Variants in TMEM132B observed in about 807,000 individuals in gnomAD.
The protein encoded by TMEM132B is transmembrane protein 132B.
A neutral mutation model predicts 90.8 loss-of-function variants in TMEM132B; 18 were observed. The observed-to-expected ratio is 0.20, with a 90% CI of 0.14 to 0.29. TMEM132B has a LOEUF of 0.29. Ranked by LOEUF, TMEM132B falls within the 10% of genes least tolerant of loss-of-function variation. The pLI is 1.00. For synonymous variants in TMEM132B, 504 were observed against 523.3 expected (o/e 0.96, Z 0.50); for missense variants, 1,096 against 1,326.8 (o/e 0.83, Z 2.70).
chr12:125,512,803 G>A (rs1592965336), intron 3 of TMEM132B, among the ~76,000 whole-genome samples: 2 of 152,122 alleles, frequency 1.3e-5, no homozygotes, highest in East Asian at 3.8e-4. Context: ...AGAAGTAGAT[G>A]GTTTGTTTAT....
intron 3 of TMEM132B, among the ~76,000 whole-genome samples, chr12:125,474,065 CCTTTCCTTT>C (rs1428050006): frequency 5.1e-5 from 2 of 39,188 alleles, no homozygotes; most frequent in African/African-American, 1.6e-4. Flanking sequence ...TTTTTCCTTT[CCTTTCCTTT>C]CCTTTCCTTT....
chr12:125,193,265 A>G (rs1593036672), intron 1 of TMEM132B, among the ~76,000 whole-genome samples: 1 of 152,306 alleles, frequency 6.6e-6, no homozygotes, highest in East Asian at 1.9e-4. Flanking sequence ...AGAGGAACCT[A>G]GGGACTGACT....
At chr12:125,393,035 C>T (rs1337994135) in intron 2 of TMEM132B, among the ~76,000 whole-genome samples, 1 of 152,150 alleles carries the variant, frequency 6.6e-6, no homozygotes, top group Non-Finnish European at 1.5e-5. Flanking sequence ...TACTGGAGAC[C>T]GTTTGCGACT....
intron 5 of TMEM132B, among the ~76,000 whole-genome samples, chr12:125,596,736 A>C (rs916778134): frequency 1.3e-5 from 2 of 152,250 alleles, no homozygotes; most frequent in African/African-American, 4.8e-5. Flanking sequence ...AAGAATGTCA[A>C]CCATGTCACT....
chr12:125,217,703 C>G (rs1052912921), intron 1 of TMEM132B, among the ~76,000 whole-genome samples: 4 of 152,206 alleles, frequency 2.6e-5, no homozygotes, highest in African/African-American at 9.6e-5. Context: ...ATCTTCCCTC[C>G]TTGGCCTCCC....
chr12:125,451,236 A>T (rs1881142859), intron 3 of TMEM132B, among the ~76,000 whole-genome samples: 1 of 152,202 alleles, frequency 6.6e-6, no homozygotes, highest in African/African-American at 2.4e-5. Flanking sequence ...GAAATTGATG[A>T]CTGTACTATG....
At chr12:125,378,853 A>C (rs1878574288) in intron 2 of TMEM132B, among the ~76,000 whole-genome samples, 1 of 152,210 alleles carries the variant, frequency 6.6e-6, no homozygotes, top group Admixed American at 6.5e-5. Flanking sequence ...GCTTTCACTG[A>C]ATCTTTAATG....
Position 125,650,918 on chromosome 12 carries a change from C to G in TMEM132B, c.1879C>G (p.Leu627Val), listed in dbSNP as rs746008598. 2.5e-5 allele frequency: 40 copies of G among 1,613,018 alleles called. No individual in the cohort carries two copies. The South Asian group carries it at 4.2e-4, about 17-fold the overall frequency. Residue 627 changes from leucine to valine, a missense_variant, in exon 7 of 9, where the codon CTG becomes GTG. Transcript: ENST00000682704. Reference sequence around the variant, plus strand: ...CGCTCAGTTACAGGACGGCAGGACCCTGGCTGGTCGGGAGCCGGGAATAAC... The same window carrying G: ...CGCTCAGTTACAGGACGGCAGGACCGTGGCTGGTCGGGAGCCGGGAATAAC... ...KIAQLQDGRT[L>V]AGREPGITTV... is the part of the protein sequence containing the mutation.
intron 2 of TMEM132B, among the ~76,000 whole-genome samples, chr12:125,380,434 A>G (rs1391111917): frequency 6.6e-6 from 1 of 152,206 alleles, no homozygotes; most frequent in Non-Finnish European, 1.5e-5. Context: ...CTGGATGGAC[A>G]TATATTTTGG....
intron 1 of TMEM132B, among the ~76,000 whole-genome samples, chr12:125,206,735 C>T (rs911589143): frequency 2.6e-5 from 4 of 152,218 alleles, no homozygotes; most frequent in Non-Finnish European, 2.9e-5. Flanking sequence ...CCCACTTCCA[C>T]TTCATTCATT....
chr12:125,342,175 C>T (rs969372010), intron 1 of TMEM132B, among the ~76,000 whole-genome samples: 5 of 152,088 alleles, frequency 3.3e-5, no homozygotes, highest in Admixed American at 1.3e-4. Flanking sequence ...CCTTATACAC[C>T]GCTCTAGGAT....
intron 1 of TMEM132B, among the ~76,000 whole-genome samples, chr12:125,248,206 C>A (rs552759395): frequency 6.6e-6 from 1 of 152,254 alleles, no homozygotes; most frequent in African/African-American, 2.4e-5. Context: ...TTCTGAGGTT[C>A]CCTGATCTTG....
chr12:125,326,275 G>T (rs183296579), intron 1 of TMEM132B, among the ~76,000 whole-genome samples: 1 of 152,336 alleles, frequency 6.6e-6, no homozygotes, highest in Admixed American at 6.5e-5. Context: ...CACTTGTCCT[G>T]TCCCCGTGCC....
chr12:125,381,563 G>C (rs1878682524), intron 2 of TMEM132B, among the ~76,000 whole-genome samples: 1 of 152,212 alleles, frequency 6.6e-6, no homozygotes, highest in African/African-American at 2.4e-5. Flanking sequence ...AGTCAAGACT[G>C]CCTTGGTGAT....
intron 4 of TMEM132B, among the ~76,000 whole-genome samples, chr12:125,565,353 G>A (rs1046897618): frequency 6.6e-6 from 1 of 152,234 alleles, no homozygotes; most frequent in Non-Finnish European, 1.5e-5. Context: ...GCTGGGGCAA[G>A]TGCCTCTGGG....
At chr12:125,560,565 G>A (rs1884495880) in intron 4 of TMEM132B, among the ~76,000 whole-genome samples, 1 of 152,126 alleles carries the variant, frequency 6.6e-6, no homozygotes, top group South Asian at 2.1e-4. Context: ...GCTCACGCCT[G>A]TAATCCCAGC....
At chr12:125,519,104 G>A (rs1431802145) in intron 3 of TMEM132B, among the ~76,000 whole-genome samples, 1 of 152,208 alleles carries the variant, frequency 6.6e-6, no homozygotes, top group Non-Finnish European at 1.5e-5. Flanking sequence ...CCTGAGTGTG[G>A]AACTTGGACT....
At chr12:125,282,938 C>T (rs545840271) in intron 1 of TMEM132B, among the ~76,000 whole-genome samples, 2 of 152,248 alleles carry the variant, frequency 1.3e-5, no homozygotes, top group Admixed American at 1.3e-4. Flanking sequence ...TTGGGACGGC[C>T]CTCCAAGTGT....
At chr12:125,363,250 C>G (rs1566013968) in intron 2 of TMEM132B, among the ~76,000 whole-genome samples, 1 of 152,162 alleles carries the variant, frequency 6.6e-6, no homozygotes, top group African/African-American at 2.4e-5. Context: ...GTTGCCAGCC[C>G]CAGGATGTTT....
Sources: allele counts gnomAD v4.1 joint callset (sites outside exome capture counted in the v4.1 genomes callset), GRCh38; gene constraint gnomAD v4.1.1; transcripts MANE v1.5; gene names NCBI Gene and HGNC (gene_info 2026-07-23, HGNC 2026-07-21).